Variants in DISC1 observed in about 807,000 individuals in gnomAD.
DISC1 encodes the protein disrupted in schizophrenia 1 protein.
A neutral mutation model predicts 84.5 loss-of-function variants in DISC1; 57 were observed. The observed-to-expected ratio is 0.67, with a 90% CI of 0.55 to 0.84. The LOEUF is 0.84. Ranked by LOEUF, DISC1 falls within the 40% of genes least tolerant of loss-of-function variation. DISC1 has a pLI of 0.00. For synonymous variants in DISC1, 411 were observed against 415.2 expected, an observed-to-expected ratio of 0.99 and a Z score of 0.12; for missense variants, 1,000 against 1,057.8, an observed-to-expected ratio of 0.95 and a Z score of 0.76.
At chr1:231,982,762 T>G (rs1663797687) in intron 10 of DISC1, among the ~76,000 whole-genome samples, 1 of 151,850 alleles carries the variant, frequency 6.6e-6, no homozygotes, top group South Asian at 2.1e-4. Flanking sequence ...TACGCAAAGA[T>G]AAGAACAGCC....
chr1:231,660,393 C>A (rs1330710071), intron 1 of DISC1, among the ~76,000 whole-genome samples: 2 of 152,016 alleles, frequency 1.3e-5, no homozygotes, highest in Non-Finnish European at 2.9e-5. Flanking sequence ...CTCTTGAAGA[C>A]AGCACACCAG....
intron 1 of DISC1, among the ~76,000 whole-genome samples, chr1:231,641,564 A>G (rs184706309): frequency 2.2e-3 from 331 of 152,314 alleles, no homozygotes; most frequent in African/African-American, 7.6e-3. Context: ...AGCTTCCACA[A>G]TGTGCAAAGG....
intron 4 of DISC1, among the ~76,000 whole-genome samples, chr1:231,762,781 A>G (rs890966358): frequency 1.3e-5 from 2 of 152,210 alleles, no homozygotes; most frequent in South Asian, 2.1e-4. Flanking sequence ...TCCATCCCCA[A>G]ACAGCCCCAG....
At chr1:231,832,155 A>C (rs1410326379) in intron 9 of DISC1, among the ~76,000 whole-genome samples, 1 of 36,170 alleles carries the variant, frequency 2.8e-5, no homozygotes, top group Non-Finnish European at 7.2e-5. Context: ...CAGCTGAAGG[A>C]GCCAGGGAGC....
intron 1 of DISC1, among the ~76,000 whole-genome samples, chr1:231,645,544 A>G (rs1244492583): frequency 6.6e-6 from 1 of 151,698 alleles, no homozygotes; most frequent in Non-Finnish European, 1.5e-5. Flanking sequence ...TTATACTTTA[A>G]GGTCTGGGGT....
Position 231,701,860 on chromosome 1 carries a change from T to G in DISC1, c.1048-95T>G, listed in dbSNP as rs1012367738. On this transcript the variant is annotated intron_variant, in intron 2 of 12. Transcript: ENST00000439617. ...TTAAAAAGAGAATGAAGAAGTTCAG[T>G]TTTGAAACAGTTTCTAAATGTTCTT... The G allele has an allele frequency of 6.8e-5, 75 of 1,102,650 alleles. No individual in the cohort carries two copies. The African/African-American group carries it at 1.0e-3, about 15-fold the overall frequency. The allele number at this position is 1,102,650 out of a possible 1,614,324, so 68.3% of individuals were successfully genotyped here.
chr1:231,663,586 C>T (rs1250553850), intron 1 of DISC1, among the ~76,000 whole-genome samples: 1 of 152,176 alleles, frequency 6.6e-6, no homozygotes, highest in Non-Finnish European at 1.5e-5. Context: ...CACCCTCCTG[C>T]CTGAAATCTG....
At chr1:231,800,410 G>T (rs968454721) in intron 8 of DISC1, among the ~76,000 whole-genome samples, 200 bp downstream of exon 8, 9 of 152,142 alleles carry the variant, frequency 5.9e-5, no homozygotes, top group African/African-American at 1.9e-4. Flanking sequence ...GGGATTTCTA[G>T]TTCCTGTTTC....
intron 2 of DISC1, among the ~76,000 whole-genome samples, chr1:231,700,696 T>G (rs112308939): frequency 1.2e-3 from 184 of 152,334 alleles, no homozygotes; most frequent in African/African-American, 4.3e-3. Flanking sequence ...CATTTTATGA[T>G]GTATCCTTGT....
chr1:231,852,364 T>C (rs573174673), intron 9 of DISC1, among the ~76,000 whole-genome samples: 1 of 152,272 alleles, frequency 6.6e-6, no homozygotes, highest in African/African-American at 2.4e-5. Context: ...AAACTATTCA[T>C]TGGTTTCACT....
intron 1 of DISC1, among the ~76,000 whole-genome samples, chr1:231,669,523 C>T (rs892050808): frequency 4.6e-5 from 7 of 151,348 alleles, no homozygotes; most frequent in African/African-American, 2.4e-5. Context: ...AACAAATTTA[C>T]AAGAAAAAAA....
chr1:231,647,565 C>A (rs2060238477), intron 1 of DISC1, among the ~76,000 whole-genome samples: 1 of 152,118 alleles, frequency 6.6e-6, no homozygotes, highest in Non-Finnish European at 1.5e-5. Flanking sequence ...TCCATATGAA[C>A]TTTAAAGTAG....
chr1:231,849,759 C>G (rs932940044), intron 9 of DISC1, among the ~76,000 whole-genome samples: 4 of 152,198 alleles, frequency 2.6e-5, no homozygotes, highest in Admixed American at 6.5e-5. Context: ...CTCAATATAA[C>G]CTTTGTCTTC....
At chr1:231,937,286 C>T (rs546610609) in intron 9 of DISC1, among the ~76,000 whole-genome samples, 3 of 152,314 alleles carry the variant, frequency 2.0e-5, no homozygotes, top group Non-Finnish European at 4.4e-5. Flanking sequence ...ATATCTAGGA[C>T]ATTAACTTAT....
intron 9 of DISC1, among the ~76,000 whole-genome samples, chr1:231,847,010 G>T (rs2083494515): frequency 1.3e-5 from 2 of 152,210 alleles, no homozygotes; most frequent in African/African-American, 4.8e-5. Flanking sequence ...TTATTATAAA[G>T]ATCATTGTTC....
chr1:232,004,173 G>A (rs1351412530), intron 10 of DISC1, among the ~76,000 whole-genome samples: 2 of 151,730 alleles, frequency 1.3e-5, no homozygotes. Flanking sequence ...GTTTACAGAA[G>A]CTAATAAAAA....
intron 1 of DISC1, among the ~76,000 whole-genome samples, chr1:231,677,918 A>C (rs2063317167): frequency 6.6e-6 from 1 of 152,102 alleles, no homozygotes; most frequent in African/African-American, 2.4e-5. Context: ...TGGTGGTTGC[A>C]GTGAGCCAAG....
chr1:231,772,949 G>A (rs1227270126), intron 6 of DISC1, among the ~76,000 whole-genome samples: 1 of 152,166 alleles, frequency 6.6e-6, no homozygotes, highest in Non-Finnish European at 1.5e-5. Flanking sequence ...AATGAAACGG[G>A]TCCCTTGAAT....
chr1:231,869,074 T>C (rs923879144), intron 9 of DISC1, among the ~76,000 whole-genome samples: 1 of 151,960 alleles, frequency 6.6e-6, no homozygotes, highest in Non-Finnish European at 1.5e-5. Flanking sequence ...AGAAGGTTGA[T>C]AGAGAGTGCT....
Sources: gnomAD v4.1 joint callset for allele counts (sites outside exome capture counted in the v4.1 genomes callset) on GRCh38, gnomAD v4.1.1 for gene constraint, MANE v1.5 for transcripts, NCBI Gene and HGNC (gene_info 2026-07-23, HGNC 2026-07-21) for gene names.